Variants in NCOR2 observed in about 807,000 individuals in gnomAD.
The protein encoded by NCOR2 is CTG repeat protein 26.
A neutral mutation model predicts 262.9 loss-of-function variants in NCOR2; 81 were observed. That is an observed-to-expected ratio of 0.31 (90% CI 0.26 to 0.37). The LOEUF (loss-of-function observed/expected upper bound fraction) is 0.37, where lower values mean the gene tolerates loss of function less well. Ranked by LOEUF, NCOR2 falls within the 10% of genes least tolerant of loss-of-function variation. NCOR2 has a pLI of 1.00. For synonymous variants in NCOR2, 1,659 were observed against 1,559.3 expected (o/e 1.06, Z -1.51); for missense variants, 3,385 against 3,621.4 (o/e 0.93, Z 1.68).
intron 13 of NCOR2, among the ~76,000 whole-genome samples, chr12:124,404,563 T>C (rs1193119170): frequency 1.3e-5 from 2 of 152,180 alleles, no homozygotes; most frequent in Non-Finnish European, 2.9e-5. Context: ...TGCTCCGGCA[T>C]GGCCAGTAAA....
Position 124,395,067 on chromosome 12 carries a change from T to C in NCOR2, c.1876+3052A>G, listed in dbSNP as rs12319083. Among the ~76,000 whole-genome samples the C allele has an allele frequency of 0.025, 3,747 of 152,244 alleles. 403 individuals carry two copies. In the East Asian group the frequency reaches 0.35, roughly 14 times the overall value. On this transcript the variant is annotated intron_variant, in intron 16 of 46. Coordinates refer to ENST00000405201, the Ensembl canonical transcript of NCOR2. Reference sequence around the variant, plus strand: ...TCCGAAGGCCCTGGGGAAACCTGGCTGCTTACCTGCCCAGGCTCCCCGAGG... The same window carrying C: ...TCCGAAGGCCCTGGGGAAACCTGGCCGCTTACCTGCCCAGGCTCCCCGAGG...
chr12:124,363,509 C>A (rs1216554915), intron 21 of NCOR2, among the ~76,000 whole-genome samples, 170 bp downstream of exon 23: 1 of 152,268 alleles, frequency 6.6e-6, no homozygotes, highest in African/African-American at 2.4e-5. Flanking sequence ...GGTACGCCTG[C>A]CAGCTTCCCC....
chr12:124,384,445 T>G (rs2040641661), intron 17 of NCOR2, among the ~76,000 whole-genome samples: 1 of 152,166 alleles, frequency 6.6e-6, no homozygotes, highest in African/African-American at 2.4e-5. Context: ...ACTGCTTAAC[T>G]GGAAGTGATG....
chr12:124,495,259 G>C (rs2048322315), upstream of NCOR2: 2 of 1,609,462 alleles, frequency 1.2e-6, no homozygotes, highest in Non-Finnish European at 1.7e-6. The surrounding 1 kb of genome is among the most constrained non-coding windows in gnomAD (Gnocchi z 4.4). Context: ...CATGGTGGTG[G>C]GGGTCGGCGG....
upstream of NCOR2, among the ~76,000 whole-genome samples, chr12:124,498,555 G>A (rs2048500416): frequency 6.6e-6 from 1 of 152,070 alleles, no homozygotes; most frequent in Non-Finnish European, 1.5e-5. Context: ...CTCCCGACCT[G>A]AGCCACGTTT....
At chr12:124,501,062 G>A (rs7303649) in intron 1 of NCOR2, among the ~76,000 whole-genome samples, 4,003 of 147,634 alleles carry the variant, frequency 0.027, 95 homozygotes, top group Middle Eastern at 0.048. Context: ...GCGCACGCGC[G>A]CACACACACA....
chr12:124,433,694 C>T (rs1321616362), intron 8 of NCOR2, among the ~76,000 whole-genome samples: 1 of 152,128 alleles, frequency 6.6e-6, no homozygotes, highest in African/African-American at 2.4e-5. Flanking sequence ...GGTGTGCATT[C>T]GGTCTGCCTC....
At chr12:124,370,411 T>C (rs978445141) in intron 20 of NCOR2, among the ~76,000 whole-genome samples, 5 of 152,174 alleles carry the variant, frequency 3.3e-5, no homozygotes, top group African/African-American at 4.8e-5. Context: ...CCCTTTAACA[T>C]GGCCCAGGGT....
intron 13 of NCOR2, among the ~76,000 whole-genome samples, chr12:124,403,164 C>T (rs1244058): frequency 0.11 from 16,662 of 152,190 alleles, 1,205 homozygotes; most frequent in East Asian, 0.21. Flanking sequence ...CCTCGGTCTC[C>T]GAGTCTGTAA....
At chr12:124,337,155 G>C (rs746678779) in exon 38 of NCOR2, 2 of 1,526,574 alleles carry the variant, frequency 1.3e-6, no homozygotes, top group Non-Finnish European at 1.8e-6. Flanking sequence ...GCAGCCGGGC[G>C]AACGGGTGAG....
chr12:124,487,967 C>G (rs2047869766), intron 1 of NCOR2, among the ~76,000 whole-genome samples: 1 of 151,870 alleles, frequency 6.6e-6, no homozygotes, highest in South Asian at 2.1e-4. Flanking sequence ...TTAGTTCTGT[C>G]TGCCTGGAAC....
rs541401181 is a variant in NCOR2, at chr12:124,443,564, G to T, written c.816-5568C>A. 6.6e-6 allele frequency among the ~76,000 whole-genome samples: 1 copy of T among 152,160 alleles called. No homozygotes were observed. Among genetic ancestry groups the T allele is most frequent in the African/African-American group, 2.4e-5 (1 of 41,512 alleles). ...GTCACCTAGGCTGGAGTGCAGTGGC[G>T]CAATCTCGGCTCACTGCAACCTCTG... On this transcript the variant is annotated intron_variant, in intron 7 of 46. Coordinates refer to ENST00000405201, the Ensembl canonical transcript of NCOR2. The surrounding 1 kb of genome is among the most constrained non-coding windows in gnomAD (Gnocchi z 4.4).
chr12:124,487,826 T>C (rs1017624063), intron 1 of NCOR2, among the ~76,000 whole-genome samples: 3 of 148,660 alleles, frequency 2.0e-5, no homozygotes, highest in African/African-American at 7.5e-5. Flanking sequence ...ATTAGATGTA[T>C]ACCAATTGCC....
intron 7 of NCOR2, among the ~76,000 whole-genome samples, chr12:124,444,376 A>G (rs61932044): frequency 3.4e-3 from 514 of 152,288 alleles, no homozygotes; most frequent in Non-Finnish European, 6.5e-3. Context: ...ACTGGAGAGG[A>G]GAAGCAGGAC....
At chr12:124,452,006 G>T (rs1459641545) in intron 6 of NCOR2, among the ~76,000 whole-genome samples, 1 of 152,192 alleles carries the variant, frequency 6.6e-6, no homozygotes, top group African/African-American at 2.4e-5. Context: ...CTACTCTCCT[G>T]GGGACAGAGA....
intron 12 of NCOR2, 141 bp downstream of exon 14, chr12:124,422,360 G>C: frequency 1.1e-6 from 1 of 922,300 alleles, no homozygotes; most frequent in Admixed American, 2.0e-5. Context: ...GGGAGGGAGG[G>C]AGGAGGGGAG....
At chr12:124,423,379 C>T (rs1207986172) in intron 11 of NCOR2, among the ~76,000 whole-genome samples, 4 of 152,316 alleles carry the variant, frequency 2.6e-5, no homozygotes, top group Non-Finnish European at 4.4e-5. Flanking sequence ...TGGGCTCCCA[C>T]GGAGGGAGGC....
At chr12:124,439,599 C>CA (rs1848711266) in intron 7 of NCOR2, among the ~76,000 whole-genome samples, 1 of 151,586 alleles carries the variant, frequency 6.6e-6, no homozygotes, top group Non-Finnish European at 1.5e-5. Context: ...GAGAAAGAGA[C>CA]AGAGACTGGG....
At chr12:124,353,429 TG>T (rs796521726) in intron 27 of NCOR2, among the ~76,000 whole-genome samples, 3 of 152,326 alleles carry the variant, frequency 2.0e-5, no homozygotes, top group African/African-American at 7.2e-5. Context: ...TCCTCTGTGG[TG>T]GGATTTGACG....
Sources: gnomAD v4.1 joint callset for allele counts (sites outside exome capture counted in the v4.1 genomes callset) on GRCh38, gnomAD v4.1.1 for gene constraint, Gnocchi (gnomAD v3.1) non-coding constraint, MANE v1.5 for transcripts, NCBI Gene and HGNC (gene_info 2026-07-23, HGNC 2026-07-21) for gene names.